DNM1L: variants seen among roughly 807,000 people sequenced by gnomAD.
DNM1L encodes the protein dynamin-1-like protein.
Under a neutral mutation model 92.8 loss-of-function variants are expected in DNM1L, and 33 were observed. The observed-to-expected ratio is 0.36, with a 90% confidence interval of 0.27 to 0.48. The LOEUF (loss-of-function observed/expected upper bound fraction) is 0.48, where lower values mean the gene tolerates loss of function less well. DNM1L is among the 20% of genes least tolerant of loss of function. The pLI is 0.99. For missense variants in DNM1L, 485 were observed against 888.8 expected (o/e 0.55, Z 5.78); for synonymous variants, 284 against 305.0 (o/e 0.93, Z 0.72).
intron 9 of DNM1L, chr12:32,726,793 C>G (rs2137483920): frequency 1.6e-6 from 1 of 620,802 alleles, no homozygotes; most frequent in South Asian, 2.0e-5. Context: ...CCTGTACAAC[C>G]CATAATTTCT....
chr12:32,680,721 T>G (rs993743368), intron 1 of DNM1L, among the ~76,000 whole-genome samples: 1 of 152,226 alleles, frequency 6.6e-6, no homozygotes, highest in Non-Finnish European at 1.5e-5. Context: ...TTGAACATAA[T>G]TTTGTTCAGT....
intron 18 of DNM1L, 72 bp downstream of exon 18, chr12:32,740,590 CATGTATTT>C: frequency 7.5e-7 from 1 of 1,340,266 alleles, no homozygotes; most frequent in East Asian, 2.5e-5. Flanking sequence ...TTGAAAAATA[CATGTATTT>C]TTACAATTTT....
intron 1 of DNM1L, chr12:32,692,755 A>T (rs1952281667): frequency 6.6e-6 from 1 of 152,190 alleles, no homozygotes; most frequent in African/African-American, 2.4e-5. Context: ...TCATTTTTAC[A>T]TTTCAGGTAT....
chr12:32,715,093 C>CTT (rs369946346), intron 6 of DNM1L, among the ~76,000 whole-genome samples: 84 of 139,844 alleles, frequency 6.0e-4, no homozygotes, highest in African/African-American at 1.4e-3. Flanking sequence ...TTAATCTAAT[C>CTT]TTTTTTTTTT....
At chr12:32,704,752 G>A (rs996980599) in intron 2 of DNM1L, among the ~76,000 whole-genome samples, 3 of 152,136 alleles carry the variant, frequency 2.0e-5, no homozygotes, top group South Asian at 2.1e-4. Flanking sequence ...TGTGATACAC[G>A]TAGTAGTCTC....
chr12:32,737,629 A>G (rs1954984354), intron 14 of DNM1L: 2 of 499,892 alleles, frequency 4.0e-6, no homozygotes, highest in Non-Finnish European at 7.2e-6. Context: ...AATACCAAAA[A>G]TAAAAATGAA....
intron 1 of DNM1L, among the ~76,000 whole-genome samples, chr12:32,694,431 T>C (rs1265739336): frequency 6.6e-6 from 1 of 152,230 alleles, no homozygotes; most frequent in African/African-American, 2.4e-5. Flanking sequence ...ATGTGGTCTT[T>C]TGTGACTGAC....
At chr12:32,687,374 C>T (rs1328025799) in intron 1 of DNM1L, among the ~76,000 whole-genome samples, 3 of 151,852 alleles carry the variant, frequency 2.0e-5, no homozygotes, top group South Asian at 4.2e-4. Context: ...TGACCTAGTA[C>T]CATTTGTTGG....
rs1440415553 is a variant in DNM1L at position 32,744,738 on chromosome 12, C to T, written c.*1328C>T. 2 of 379,592 alleles carry T rather than the reference C, an allele frequency of 5.3e-6. No homozygotes were observed. The highest frequency in any genetic ancestry group is 2.2e-5 in the African/African-American group (1 of 45,980). The allele number at this position is 379,592 out of a possible 1,614,324, so 23.5% of individuals were successfully genotyped here. The stretch of plus-strand genomic sequence containing the variant: ...CAAAAAAAAAAAATAAAACAACACC[C>T]AGATAGATACACATACTCCTTCAGA... On this transcript the variant is annotated 3_prime_UTR_variant, in exon 20 of 20. Coordinates refer to ENST00000549701, the MANE Select transcript of DNM1L (RefSeq NM_012062.5).
chr12:32,696,936 TTCTTA>T, intron 1 of DNM1L, among the ~76,000 whole-genome samples: 1 of 150,814 alleles, frequency 6.6e-6, no homozygotes, highest in East Asian at 2.0e-4. Flanking sequence ...GGTGTACACT[TTCTTA>T]TCTTAAATAT....
intron 2 of DNM1L, chr12:32,707,142 G>T: frequency 2.3e-6 from 1 of 441,374 alleles, no homozygotes; most frequent in South Asian, 4.2e-5. Flanking sequence ...GCCTGAAGTT[G>T]GTCATGTTTT....
rs1955532513 is a variant in DNM1L at position 32,744,721 on chromosome 12, AAAAAT to A, written c.*1316_*1320del. 1.9e-5 allele frequency: 7 copies of A among 366,826 alleles called. No individual in the cohort carries two copies. The Middle Eastern group carries it at 1.1e-3, about 58-fold the overall frequency. 22.7% of individuals were successfully genotyped at this position (366,826 alleles called of 1,614,324 possible). A position where few individuals can be genotyped will look rare whatever the true frequency, so the allele number is the denominator to read the frequency against. ...AGAGCGAAACTCCGTCTCAAAAAAA[AAAAAT>A]AAAACAACACCCAGATAGATACACA... On this transcript the variant is annotated 3_prime_UTR_variant, in exon 20 of 20. Coordinates refer to ENST00000549701, the MANE Select transcript of DNM1L (RefSeq NM_012062.5).
intron 2 of DNM1L, among the ~76,000 whole-genome samples, chr12:32,703,385 A>AAATTTG (rs1174285755): frequency 6.6e-6 from 1 of 152,100 alleles, no homozygotes; most frequent in Non-Finnish European, 1.5e-5. Context: ...TAGATTATAT[A>AAATTTG]AATTTGAGTA....
intron 16 of DNM1L, among the ~76,000 whole-genome samples, chr12:32,738,506 C>T (rs1000562660): frequency 1.3e-5 from 2 of 152,062 alleles, no homozygotes; most frequent in African/African-American, 4.8e-5. Context: ...TGTTTTGTTA[C>T]CTTCAAGAAT....
At chr12:32,719,319 G>A (rs1020670348) in intron 7 of DNM1L, among the ~76,000 whole-genome samples, 2 of 152,140 alleles carry the variant, frequency 1.3e-5, no homozygotes, top group Admixed American at 1.3e-4. Context: ...TGTTGTAATA[G>A]CCAGGCTTTA....
intron 9 of DNM1L, chr12:32,728,333 G>A (rs960600620): frequency 1.3e-5 from 2 of 152,098 alleles, no homozygotes; most frequent in East Asian, 1.9e-4. Flanking sequence ...TTATATGTAC[G>A]GCATATTGAG....
chr12:32,713,284 A>G lies in DNM1L; in HGVS notation c.532A>G (p.Asn178Asp). The G allele has an allele frequency of 6.2e-7, 1 of 1,613,920 alleles. No homozygotes were observed. The highest frequency in any genetic ancestry group is 8.5e-7 in the Non-Finnish European group (1 of 1,179,938). ...ELILRFISNPNSIILAVTAAN... is the reference protein window; with the variant it reads ...ELILRFISNPDSIILAVTAAN... ...CATTCTTCGGTTCATCAGTAATCCT[A>G]ATTCCATTATCCTCGCTGTCACTGC... The change falls in exon 6 of 20, where the codon AAT becomes GAT. Residue 178 changes from asparagine to aspartate, a missense_variant. By Grantham distance (23) the Asn-to-Asp change is conservative. Around this residue, in one of 11 missense-constraint regions of DNM1L, gnomAD observed 159 missense variants for 275.9 expected, o/e 0.58. Transcript: ENST00000549701.
At chr12:32,708,783 GA>G (rs1279893107) in intron 4 of DNM1L, among the ~76,000 whole-genome samples, 1 of 151,928 alleles carries the variant, frequency 6.6e-6, no homozygotes, top group Non-Finnish European at 1.5e-5. Flanking sequence ...ATGTATCTAA[GA>G]TACTGTTAAT....
chr12:32,681,113 C>A (rs1032750794), intron 1 of DNM1L, among the ~76,000 whole-genome samples: 1 of 152,000 alleles, frequency 6.6e-6, no homozygotes, highest in Non-Finnish European at 1.5e-5. Flanking sequence ...AGTAAAGATC[C>A]CATCCTTCTG....
Sources: allele counts gnomAD v4.1 joint callset (sites outside exome capture counted in the v4.1 genomes callset), GRCh38; gene constraint gnomAD v4.1.1; regional missense constraint gnomAD v4.1.1; transcripts MANE v1.5; gene names NCBI Gene and HGNC (gene_info 2026-07-23, HGNC 2026-07-21).